The following SLC2A13 variants were observed in gnomAD, a reference collection of about 807,000 sequenced individuals.
SLC2A13 encodes proton myo-inositol cotransporter.
In SLC2A13, 32 loss-of-function variants were observed where a neutral mutation model predicts 64.4. The observed-to-expected ratio is 0.50, with a 90% confidence interval of 0.37 to 0.67. The LOEUF is 0.67. SLC2A13 is among the 30% of genes least tolerant of loss of function. The probability of loss-of-function intolerance (pLI) is 0.00; values close to 1 mark genes in which losing one functional copy is unlikely to be tolerated. For synonymous variants in SLC2A13, 338 were observed against 327.1 expected, an observed-to-expected ratio of 1.03 and a Z score of -0.36; for missense variants, 743 against 829.2, an observed-to-expected ratio of 0.90 and a Z score of 1.28.
At chr12:39,896,155 C>G (rs1054349073) in intron 4 of SLC2A13, among the ~76,000 whole-genome samples, 6 of 146,172 alleles carry the variant, frequency 4.1e-5, no homozygotes, top group African/African-American at 7.6e-5. Flanking sequence ...TATATGTATA[C>G]ACGTGTATAC....
At chr12:40,064,995 G>C (rs1344695322) in intron 1 of SLC2A13, among the ~76,000 whole-genome samples, 1 of 152,036 alleles carries the variant, frequency 6.6e-6, no homozygotes, top group Non-Finnish European at 1.5e-5. Flanking sequence ...AACAATCCCA[G>C]TTTTTTTATT....
intron 1 of SLC2A13, among the ~76,000 whole-genome samples, chr12:40,049,063 C>T (rs897893696): frequency 2.0e-5 from 3 of 152,054 alleles, no homozygotes; most frequent in African/African-American, 4.8e-5. Context: ...AAGTCTCACC[C>T]TCTTGTGGCC....
chr12:39,826,203 T>C (rs911405634), intron 7 of SLC2A13, among the ~76,000 whole-genome samples: 1 of 152,064 alleles, frequency 6.6e-6, no homozygotes, highest in Admixed American at 6.6e-5. Context: ...CTTTAGGTTC[T>C]GTTTGACTCT....
At chr12:39,995,705 T>C (rs1437537392) in intron 3 of SLC2A13, among the ~76,000 whole-genome samples, 1 of 152,218 alleles carries the variant, frequency 6.6e-6, no homozygotes, top group East Asian at 1.9e-4. Context: ...CATCTTGAAT[T>C]CCCATGTGTT....
At chr12:39,842,823 A>G (rs1470605501) in intron 6 of SLC2A13, among the ~76,000 whole-genome samples, 1 of 151,910 alleles carries the variant, frequency 6.6e-6, no homozygotes, top group African/African-American at 2.4e-5. Flanking sequence ...CTTTGTCTCT[A>G]TGGATTTGCT....
intron 1 of SLC2A13, among the ~76,000 whole-genome samples, chr12:40,067,290 C>T (rs1040025625): frequency 6.6e-6 from 1 of 152,142 alleles, no homozygotes; most frequent in African/African-American, 2.4e-5. Context: ...CAGCCTTGAA[C>T]CCCTGGGCTC....
intron 3 of SLC2A13, among the ~76,000 whole-genome samples, chr12:40,003,433 T>C (rs28370644): frequency 0.13 from 19,725 of 152,148 alleles, 1,542 homozygotes; most frequent in Admixed American, 0.18. Flanking sequence ...TGGGCGCTGA[T>C]GGCAATAACA....
intron 4 of SLC2A13, among the ~76,000 whole-genome samples, chr12:39,905,052 T>A (rs1945230158): frequency 6.6e-6 from 1 of 152,120 alleles, no homozygotes; most frequent in Non-Finnish European, 1.5e-5. Flanking sequence ...GCCACCAAAT[T>A]AACTTGAAGA....
At chr12:40,067,091 C>T (rs915549592) in intron 1 of SLC2A13, among the ~76,000 whole-genome samples, 13 of 152,142 alleles carry the variant, frequency 8.5e-5, no homozygotes, top group African/African-American at 3.1e-4. Flanking sequence ...TTACCTGGTT[C>T]CCGGTGTACA....
intron 4 of SLC2A13, among the ~76,000 whole-genome samples, chr12:39,945,498 T>G (rs1256085776): frequency 6.6e-6 from 1 of 152,072 alleles, no homozygotes; most frequent in Non-Finnish European, 1.5e-5. Context: ...TATTCTTAGG[T>G]TTGGTCATTT....
rs986929614 is a variant in SLC2A13, at chr12:40,023,062, A to G, written c.925+5239T>C. 3.9e-5 allele frequency among the ~76,000 whole-genome samples: 6 copies of G among 152,268 alleles called. No individual in the cohort carries two copies. In the South Asian group the frequency reaches 1.2e-3, roughly 32 times the overall value. ...CTTCCTTTACTCAATCTGTCATTGC[A>G]CTGATGCTGTCCTAATAACCTCATT... On this transcript the variant is annotated intron_variant, in intron 3 of 9. Transcript: ENST00000280871.
At chr12:39,984,561 C>A (rs1176851864) in intron 3 of SLC2A13, among the ~76,000 whole-genome samples, 4 of 152,026 alleles carry the variant, frequency 2.6e-5, no homozygotes. Context: ...AGCATTACTA[C>A]AATTAATTAT....
At chr12:39,778,735 C>T (rs1470073609) in intron 7 of SLC2A13, among the ~76,000 whole-genome samples, 1 of 152,064 alleles carries the variant, frequency 6.6e-6, no homozygotes, top group African/African-American at 2.4e-5. Context: ...ACATACATTG[C>T]CCCAGGTGTT....
intron 4 of SLC2A13, among the ~76,000 whole-genome samples, chr12:39,920,946 CACA>C (rs1218581943): frequency 6.6e-6 from 1 of 152,010 alleles, no homozygotes; most frequent in African/African-American, 2.4e-5. Context: ...AGCAGACCTC[CACA>C]ACTTCAGCAC....
intron 6 of SLC2A13, among the ~76,000 whole-genome samples, chr12:39,860,303 A>G (rs1285833356): frequency 6.6e-6 from 1 of 152,234 alleles, no homozygotes; most frequent in Non-Finnish European, 1.5e-5. Flanking sequence ...TTATGATTCT[A>G]TGCTGGGATT....
chr12:40,069,848 T>C (rs116920735), intron 1 of SLC2A13, among the ~76,000 whole-genome samples: 2 of 152,256 alleles, frequency 1.3e-5, no homozygotes, highest in South Asian at 4.1e-4. Flanking sequence ...ACAGTTTTCA[T>C]GTCAATACTG....
intron 6 of SLC2A13, among the ~76,000 whole-genome samples, chr12:39,840,926 C>G (rs564329981): frequency 5.3e-5 from 8 of 152,030 alleles, no homozygotes; most frequent in Admixed American, 1.3e-4. Context: ...TGGTAGTTCC[C>G]TTTCTCTGTA....
At chr12:39,965,386 T>C (rs1043341336) in intron 3 of SLC2A13, among the ~76,000 whole-genome samples, 11 of 152,182 alleles carry the variant, frequency 7.2e-5, no homozygotes, top group African/African-American at 2.4e-4. Context: ...ATTTTAAGGT[T>C]TTCTGTTAAA....
chr12:40,042,345 G>C (rs537030780), intron 2 of SLC2A13, among the ~76,000 whole-genome samples: 3 of 151,990 alleles, frequency 2.0e-5, no homozygotes, highest in East Asian at 3.9e-4. Context: ...CAAATCACAT[G>C]ATGACTATAT....
Sources: allele counts gnomAD v4.1 joint callset (sites outside exome capture counted in the v4.1 genomes callset), GRCh38; gene constraint gnomAD v4.1.1; transcripts MANE v1.5; gene names NCBI Gene and HGNC (gene_info 2026-07-23, HGNC 2026-07-21).